The following RIMS2 variants were observed in gnomAD, a reference collection of about 807,000 sequenced individuals.
The protein encoded by RIMS2 is regulating synaptic membrane exocytosis 2.
In RIMS2, 59 loss-of-function variants were observed where a neutral mutation model predicts 174.4. The ratio of observed to expected loss-of-function variants is 0.34; its 90% CI spans 0.27 to 0.42. RIMS2 has a LOEUF of 0.42. Among genes scored for constraint, RIMS2 ranks in the 10% least tolerant of loss-of-function variants. The pLI, the probability that RIMS2 is intolerant of heterozygous loss-of-function variation, is 1.00. For synonymous variants in RIMS2, 606 were observed against 572.5 expected, an observed-to-expected ratio of 1.06 and a Z score of -0.84; for missense variants, 1,620 against 1,666.3, an observed-to-expected ratio of 0.97 and a Z score of 0.48.
chr8:103,924,882 T>C (rs546318282), intron 10 of RIMS2, among the ~76,000 whole-genome samples: 14 of 151,750 alleles, frequency 9.2e-5, no homozygotes, highest in South Asian at 6.2e-4. Context: ...TTCTAGAGCA[T>C]AACAGTGAAA....
At chr8:103,664,688 T>G (rs1479037614) in intron 1 of RIMS2, among the ~76,000 whole-genome samples, 1 of 152,106 alleles carries the variant, frequency 6.6e-6, no homozygotes, top group Non-Finnish European at 1.5e-5. Flanking sequence ...GGAGTGTAAA[T>G]TTGTTCAACC....
At chr8:103,728,745 C>CTTATTTT (rs1311572866) in intron 2 of RIMS2, among the ~76,000 whole-genome samples, 1 of 68,156 alleles carries the variant, frequency 1.5e-5, no homozygotes, top group African/African-American at 7.8e-5. Context: ...AGGTATGCTC[C>CTTATTTT]TTCTTTTTTT....
At chr8:104,011,115 A>G (rs1323649886) in intron 17 of RIMS2, among the ~76,000 whole-genome samples, 1 of 152,140 alleles carries the variant, frequency 6.6e-6, no homozygotes, top group Non-Finnish European at 1.5e-5. Context: ...TGTGTAATTT[A>G]GGCATTGCTG....
At chr8:103,575,685 C>CATATAT (rs917263576) in intron 1 of RIMS2, among the ~76,000 whole-genome samples, 5 of 145,294 alleles carry the variant, frequency 3.4e-5, no homozygotes, top group Admixed American at 7.0e-5. Context: ...CACACACACA[C>CATATAT]ATATATATAT....
At chr8:103,593,374 A>T (rs1012847919) in intron 1 of RIMS2, among the ~76,000 whole-genome samples, 13 of 151,682 alleles carry the variant, frequency 8.6e-5, no homozygotes, top group African/African-American at 3.1e-4. Context: ...TTCAAAGTAC[A>T]AGAGGGACCA....
intron 1 of RIMS2, among the ~76,000 whole-genome samples, chr8:103,573,087 T>G (rs2092953767): frequency 6.6e-6 from 1 of 151,894 alleles, no homozygotes; most frequent in Non-Finnish European, 1.5e-5. Flanking sequence ...CTAGATAGAG[T>G]CTCGCTCTGT....
At chr8:104,171,859 T>G (rs984746181) in intron 19 of RIMS2, among the ~76,000 whole-genome samples, 1 of 152,164 alleles carries the variant, frequency 6.6e-6, no homozygotes, top group Admixed American at 6.5e-5. Flanking sequence ...ACTTTAATGT[T>G]TATTGTTTAT....
chr8:103,988,629 TTTTA>T (rs2094506251), intron 16 of RIMS2, among the ~76,000 whole-genome samples: 1 of 152,112 alleles, frequency 6.6e-6, no homozygotes, highest in Non-Finnish European at 1.5e-5. Context: ...CTTGCTGATT[TTTTA>T]TTTTTTAGTA....
chr8:103,979,438 A>G (rs1247684812), intron 16 of RIMS2, among the ~76,000 whole-genome samples: 1 of 152,214 alleles, frequency 6.6e-6, no homozygotes, highest in African/African-American at 2.4e-5. Context: ...AAAACTTAAA[A>G]TGGAACTACC....
At chr8:103,820,354 A>G (rs2098744317) in intron 3 of RIMS2, among the ~76,000 whole-genome samples, 1 of 151,998 alleles carries the variant, frequency 6.6e-6, no homozygotes, top group South Asian at 2.1e-4. Context: ...AGAATTTCTC[A>G]TGTTACATGC....
intron 3 of RIMS2, chr8:103,819,577 C>T: frequency 6.2e-7 from 1 of 1,613,498 alleles, no homozygotes; most frequent in Non-Finnish European, 8.5e-7. Context: ...TTTTTCATCC[C>T]CACCAAATAT....
chr8:104,078,353 A>G (rs916875849), intron 19 of RIMS2, among the ~76,000 whole-genome samples: 10 of 152,158 alleles, frequency 6.6e-5, no homozygotes, highest in African/African-American at 2.2e-4. Context: ...ACAGAAATGT[A>G]TTTTCCCAGT....
At chr8:103,657,746 A>G (rs1018300567) in intron 1 of RIMS2, among the ~76,000 whole-genome samples, 2 of 152,228 alleles carry the variant, frequency 1.3e-5, no homozygotes, top group African/African-American at 4.8e-5. Context: ...TGAAGGATTC[A>G]AACTTGCTTC....
chr8:103,968,220 A>AT lies in RIMS2; in HGVS notation c.2770+7090dup, dbSNP rs146218120. Reference sequence around the variant, plus strand: ...TAGTACATTTTTTTCCATCCATTTAATTTATATGATTGTTTCCATTTAAAG... The same window carrying AT: ...TAGTACATTTTTTTCCATCCATTTAATTTTATATGATTGTTTCCATTTAAAG... On this transcript the variant is annotated intron_variant, in intron 15 of 23. Transcript: ENST00000504942. 7.3e-3 allele frequency among the ~76,000 whole-genome samples: 1,106 copies of AT among 151,994 alleles called. 20 individuals are homozygous for AT. The highest frequency in any genetic ancestry group is 0.025 in the African/African-American group (1,042 of 41,478).
chr8:104,004,600 A>G (rs559643330), intron 17 of RIMS2, among the ~76,000 whole-genome samples: 1 of 152,304 alleles, frequency 6.6e-6, no homozygotes, highest in African/African-American at 2.4e-5. Context: ...GAAAAATTAG[A>G]TAGCATATGT....
In RIMS2 at chr8:103,697,379, C is replaced by T. The variant is rs2097115778; in HGVS notation, c.387+83C>T. On this transcript the variant is annotated intron_variant, in intron 2 of 23. Transcript: ENST00000504942. Reference sequence around the variant, plus strand: ...ACGTTAGAGAGTATGTTAATTCAACCCAAATAATATTTTGTTGAAATTAGC... The same window carrying T: ...ACGTTAGAGAGTATGTTAATTCAACTCAAATAATATTTTGTTGAAATTAGC... 3.7e-6 allele frequency: 4 copies of T among 1,067,114 alleles called. No individual in the cohort carries two copies. The South Asian group carries it at 5.1e-5, about 14-fold the overall frequency. 66.1% of individuals were successfully genotyped at this position (1,067,114 alleles called of 1,614,324 possible). A position where few individuals can be genotyped will look rare whatever the true frequency, so the allele number is the denominator to read the frequency against.
chr8:103,737,607 C>T lies in RIMS2; in HGVS notation c.388-28620C>T, dbSNP rs547222161. On this transcript the variant is annotated intron_variant, in intron 2 of 23. Transcript: ENST00000504942. ...ATTTTCATTCTTACATGCTTACTCA[C>T]GTAACTTCCTATTGGGGCACACAGG... Among the ~76,000 whole-genome samples the T allele has an allele frequency of 3.0e-4, 46 of 152,264 alleles. No homozygotes were observed. In the South Asian group the frequency reaches 4.8e-3, roughly 16 times the overall value.
At chr8:103,804,198 C>T (rs1304684710) in intron 3 of RIMS2, among the ~76,000 whole-genome samples, 1 of 152,154 alleles carries the variant, frequency 6.6e-6, no homozygotes, top group Non-Finnish European at 1.5e-5. Context: ...AAGACAGCTT[C>T]TGTATTCAAT....
intron 1 of RIMS2, among the ~76,000 whole-genome samples, chr8:103,633,011 G>A (rs1047634208): frequency 1.3e-5 from 2 of 150,342 alleles, no homozygotes; most frequent in African/African-American, 4.9e-5. Context: ...AGGATTACAG[G>A]TGTGAGCCTC....
Sources: allele counts gnomAD v4.1 joint callset (sites outside exome capture counted in the v4.1 genomes callset), GRCh38; gene constraint gnomAD v4.1.1; transcripts MANE v1.5; gene names NCBI Gene and HGNC (gene_info 2026-07-23, HGNC 2026-07-21).